PIRT: variants seen among roughly 807,000 people sequenced by gnomAD.
The protein encoded by PIRT is phosphoinositide interacting regulator of transient receptor potential channels.
Under a neutral mutation model 7.9 loss-of-function variants are expected in PIRT, and 6 were observed. The ratio of observed to expected loss-of-function variants is 0.76; its 90% CI spans 0.42 to 1.51. The LOEUF (loss-of-function observed/expected upper bound fraction) is 1.51, where lower values mean the gene tolerates loss of function less well. Among genes scored for constraint, PIRT ranks in the 40% most tolerant of loss-of-function variants. The probability of loss-of-function intolerance (pLI) is 0.01; values close to 1 mark genes in which losing one functional copy is unlikely to be tolerated. For missense variants in PIRT, 170 were observed against 172.9 expected, an observed-to-expected ratio of 0.98 and a Z score of 0.09; for synonymous variants, 78 against 71.8, an observed-to-expected ratio of 1.09 and a Z score of -0.44.
At chr17:10,827,114 C>G (rs1302367742) in intron 1 of PIRT, among the ~76,000 whole-genome samples, 4 of 152,112 alleles carry the variant, frequency 2.6e-5, no homozygotes, top group Non-Finnish European at 5.9e-5. Flanking sequence ...GCCTGGCCCC[C>G]ACAGTGCAAC....
chr17:10,827,253 C>T lies in PIRT; in HGVS notation c.-138-1470G>A, dbSNP rs77510389. ...TCAATTGCCCACCCCAGGGTCTAAT[C>T]GAGAGCCCATCTGCATAGCTCTCAG... On this transcript the variant is annotated intron_variant, in intron 1 of 1. Transcript: ENST00000580256. Among the ~76,000 whole-genome samples the T allele has an allele frequency of 1.2e-3, 176 of 152,234 alleles. 1 individual carries two copies. Among genetic ancestry groups the T allele is most frequent in the African/African-American group, 3.9e-3 (163 of 41,544 alleles).
intron 1 of PIRT, among the ~76,000 whole-genome samples, chr17:10,828,788 C>T (rs1353842715): frequency 6.6e-6 from 1 of 152,178 alleles, no homozygotes; most frequent in Non-Finnish European, 1.5e-5. Flanking sequence ...AGTGTCTTCC[C>T]TGACCCCAAG....
intron 1 of PIRT, among the ~76,000 whole-genome samples, chr17:10,837,354 GT>G (rs1905615643): frequency 6.6e-6 from 1 of 152,206 alleles, no homozygotes; most frequent in African/African-American, 2.4e-5. Flanking sequence ...TGCCTGCCTT[GT>G]TCCCCCTGTC....
At chr17:10,827,466 T>C (rs1905353720) in intron 1 of PIRT, among the ~76,000 whole-genome samples, 1 of 32,606 alleles carries the variant, frequency 3.1e-5, no homozygotes, top group Admixed American at 2.7e-4. Context: ...TTTTCTTTTC[T>C]TTTTTTTTTT....
At chr17:10,828,233 C>T (rs11650614) in intron 1 of PIRT, among the ~76,000 whole-genome samples, 21,747 of 152,124 alleles carry the variant, frequency 0.14, 1,618 homozygotes, top group East Asian at 0.23. Flanking sequence ...TCCTCCTGTA[C>T]CCCGAGTCCT....
intron 1 of PIRT, among the ~76,000 whole-genome samples, chr17:10,831,214 C>A (rs1156996959): frequency 3.3e-5 from 5 of 152,222 alleles, no homozygotes; most frequent in Non-Finnish European, 5.9e-5. Flanking sequence ...GTGAGAACCA[C>A]CCTTTTCCGC....
intron 1 of PIRT, among the ~76,000 whole-genome samples, chr17:10,827,033 A>C: frequency 6.6e-6 from 1 of 152,034 alleles, no homozygotes; most frequent in South Asian, 2.1e-4. Context: ...GCTGGTCTTG[A>C]ACTCCTGACC....
intron 1 of PIRT, among the ~76,000 whole-genome samples, chr17:10,827,179 C>T (rs938965086): frequency 6.6e-6 from 1 of 152,112 alleles, no homozygotes; most frequent in Admixed American, 6.5e-5. Flanking sequence ...TACATCAAGG[C>T]CAATTTCCAG....
chr17:10,826,355 C>A (rs2151533292), intron 1 of PIRT, among the ~76,000 whole-genome samples: 2 of 152,334 alleles, frequency 1.3e-5, no homozygotes, highest in Middle Eastern at 3.4e-3. Flanking sequence ...CTCTTTGTCT[C>A]AGTTTTCTTA....
rs893849451 is a variant in PIRT, at chr17:10,822,873, G to A, written c.*2359C>T. On this transcript the variant is annotated 3_prime_UTR_variant, in exon 2 of 2. Coordinates refer to ENST00000580256, the MANE Select transcript of PIRT (RefSeq NM_001101387.2). ...TGAGAAACTAGCTTGAGTGGGCAGG[G>A]AATGGAGGCAGGTACTGCTAGAGTC... 4.6e-5 allele frequency: 7 copies of A among 152,196 alleles called. No homozygotes were observed. Among genetic ancestry groups the A allele is most frequent in the African/African-American group, 1.7e-4 (7 of 41,442 alleles). 9.4% of individuals were successfully genotyped at this position (152,196 alleles called of 1,614,324 possible).
At chr17:10,831,945 TG>T (rs1480385849) in intron 1 of PIRT, among the ~76,000 whole-genome samples, 1 of 152,130 alleles carries the variant, frequency 6.6e-6, no homozygotes, top group Non-Finnish European at 1.5e-5. Context: ...GCTGAGTTAG[TG>T]GGTGGGGACT....
intron 1 of PIRT, among the ~76,000 whole-genome samples, chr17:10,831,341 T>C (rs1373607489): frequency 6.6e-6 from 1 of 152,208 alleles, no homozygotes; most frequent in Non-Finnish European, 1.5e-5. Context: ...GAATGTGACC[T>C]TATTTGGAAT....
intron 1 of PIRT, among the ~76,000 whole-genome samples, chr17:10,831,429 T>C (rs143698057): frequency 4.8e-4 from 73 of 152,248 alleles, no homozygotes; most frequent in Non-Finnish European, 7.8e-4. Context: ...CTAAATCCAA[T>C]GATTGGCATC....
chr17:10,834,364 A>G (rs1310500081), intron 1 of PIRT, among the ~76,000 whole-genome samples: 3 of 152,178 alleles, frequency 2.0e-5, no homozygotes, highest in Non-Finnish European at 4.4e-5. Flanking sequence ...CGGATATGAA[A>G]GAGTACCTAT....
chr17:10,833,550 C>T (rs960937529), intron 1 of PIRT, among the ~76,000 whole-genome samples: 2 of 152,044 alleles, frequency 1.3e-5, no homozygotes, highest in East Asian at 1.9e-4. Flanking sequence ...GTCAGGAGTT[C>T]GAGACCAGCC....
chr17:10,834,807 G>A (rs1472945341), intron 1 of PIRT, among the ~76,000 whole-genome samples: 1 of 151,896 alleles, frequency 6.6e-6, no homozygotes, highest in African/African-American at 2.4e-5. Flanking sequence ...AGCCAGGATG[G>A]TCTCAATCTC....
chr17:10,827,578 C>G (rs4791425), intron 1 of PIRT, among the ~76,000 whole-genome samples: 149,354 of 149,854 alleles, frequency 1, 74,434 homozygotes, highest in Middle Eastern at 1. Flanking sequence ...AGGTTCAAGC[C>G]ACTCTCCTGC....
At chr17:10,827,588 C>G (rs1444679454) in intron 1 of PIRT, among the ~76,000 whole-genome samples, 1 of 148,598 alleles carries the variant, frequency 6.7e-6, no homozygotes, top group Admixed American at 6.8e-5. Context: ...CACTCTCCTG[C>G]CTCAGCCTCC....
At chr17:10,836,819 A>G (rs1260353219) in intron 1 of PIRT, among the ~76,000 whole-genome samples, 1 of 152,126 alleles carries the variant, frequency 6.6e-6, no homozygotes, top group Non-Finnish European at 1.5e-5. Context: ...GGTGGGAATA[A>G]CACCATGTAT....
Sources: gnomAD v4.1 joint callset for allele counts (sites outside exome capture counted in the v4.1 genomes callset) on GRCh38, gnomAD v4.1.1 for gene constraint, MANE v1.5 for transcripts, NCBI Gene and HGNC (gene_info 2026-07-23, HGNC 2026-07-21) for gene names.